The following UEVLD variants were observed in gnomAD, a reference collection of about 807,000 sequenced individuals.
UEVLD encodes ubiquitin-conjugating enzyme E2 variant 3.
UEVLD carries 47 observed loss-of-function variants against 58.6 expected under a neutral mutation model. The ratio of observed to expected loss-of-function variants is 0.80; its 90% CI spans 0.63 to 1.02. The LOEUF (loss-of-function observed/expected upper bound fraction) is 1.02, where lower values mean the gene tolerates loss of function less well. UEVLD is among the 50% of genes least tolerant of loss of function. The pLI is 0.00. For missense variants in UEVLD, 510 were observed against 550.6 expected (o/e 0.93, Z 0.74); for synonymous variants, 197 against 195.3 (o/e 1.01, Z -0.07).
At chr11:18,545,059 T>C (rs2133974511) in intron 8 of UEVLD, among the ~76,000 whole-genome samples, 1 of 26,330 alleles carries the variant, frequency 3.8e-5, no homozygotes, top group Non-Finnish European at 7.8e-5. Flanking sequence ...TATCTATATC[T>C]ATATCTATAT....
chr11:18,532,561 T>C (rs1850613148), intron 11 of UEVLD, 74 bp from the exon 12 acceptor site: 1 of 1,272,232 alleles, frequency 7.9e-7, no homozygotes, highest in Admixed American at 3.0e-5. Flanking sequence ...GCATACTTTC[T>C]TGCTTTCTTA....
intron 1 of UEVLD, among the ~76,000 whole-genome samples, chr11:18,580,345 T>C (rs1262985208): frequency 6.6e-6 from 1 of 152,032 alleles, no homozygotes; most frequent in Non-Finnish European, 1.5e-5. Context: ...ACTGAGCAAT[T>C]AATTCCACTT....
Position 18,544,815 on chromosome 11 carries a change from G to T in UEVLD, c.887-19C>A, listed in dbSNP as rs1322275611. ...ATTTCCACTAAATATTGCATACAAG[G>T]TAAAAAATGTAAAGGTTAAAAAATA... On this transcript the variant is annotated intron_variant, in intron 8 of 11. Coordinates refer to ENST00000396197, the MANE Select transcript of UEVLD (RefSeq NM_001040697.4). The T allele has an allele frequency of 1.3e-6, 2 of 1,491,862 alleles. No homozygotes were observed. The highest frequency in any genetic ancestry group is 1.8e-6 in the Non-Finnish European group (2 of 1,127,120). 92.4% of individuals were successfully genotyped at this position (1,491,862 alleles called of 1,614,324 possible). A position where few individuals can be genotyped will look rare whatever the true frequency, so the allele number is the denominator to read the frequency against.
rs139860260 is a variant in UEVLD at position 18,575,550 on chromosome 11, G to C, written c.128-138C>G. 6.6e-4 allele frequency: 523 copies of C among 791,538 alleles called. 5 individuals are homozygous for C. In the East Asian group the frequency reaches 0.014, roughly 21 times the overall value. 49.0% of individuals were successfully genotyped at this position (791,538 alleles called of 1,614,324 possible). A position where few individuals can be genotyped will look rare whatever the true frequency, so the allele number is the denominator to read the frequency against. On this transcript the variant is annotated intron_variant, in intron 2 of 11. Coordinates refer to ENST00000396197, the MANE Select transcript of UEVLD (RefSeq NM_001040697.4). ...CACACAATCTCTAAACATAATCTAGGAATCGGTAAATCTGTCAACAAGAGG... is the reference window on the plus strand; with the variant it reads ...CACACAATCTCTAAACATAATCTAGCAATCGGTAAATCTGTCAACAAGAGG...
At position 18,566,384 on chromosome 11, in the gene UEVLD, C is replaced by G. The variant is rs754279767; in HGVS notation, c.456G>C (p.Gln152His). The G allele has an allele frequency of 1.2e-6, 2 of 1,614,096 alleles. No homozygotes were observed. The highest frequency in any genetic ancestry group is 1.7e-5 in the Admixed American group (1 of 60,004). The change falls in exon 5 of 12, where the codon CAG (glutamine) becomes CAC (histidine). Residue 152 changes from glutamine (Q) to histidine (H), a missense_variant. Gln to His is a conservative substitution (Grantham distance 24). Coordinates refer to ENST00000396197, the MANE Select transcript of UEVLD (RefSeq NM_001040697.4). ...YSLSSSDEAR[Q>H]VDLLAYIAKI... ...TTGCAATATAGGCTAGCAAGTCTAC[C>G]TGCCGTGCCTCATCAGATGATGATA...
intron 9 of UEVLD, 92 bp from the exon 10 acceptor site, chr11:18,536,561 C>T: frequency 9.4e-7 from 1 of 1,063,676 alleles, no homozygotes; most frequent in Non-Finnish European, 1.4e-6. Flanking sequence ...GGTACCTGTG[C>T]TAATATTTAT....
In UEVLD at chr11:18,534,379, C is replaced by G. The variant is rs751548668; in HGVS notation, c.1199G>C (p.Ser400Thr). The change falls in exon 11 of 12, where the codon AGT (serine) becomes ACT (threonine). Residue 400 changes from serine (S) to threonine (T), a missense_variant. Physicochemically the swap from Ser to Thr is moderately conservative, Grantham distance 58. Transcript: ENST00000396197. Reference sequence around the variant, plus strand: ...CACTTTCTTCTTATTGTTTACAATACTGTCAACCATGTCAGCTACTGATAG... The same window carrying G: ...CACTTTCTTCTTATTGTTTACAATAGTGTCAACCATGTCAGCTACTGATAG... The part of the protein sequence containing the change: ...VGLSVADMVD[S>T]IVNNKKKVHS... The G allele has an allele frequency of 1.9e-6, 3 of 1,573,932 alleles. No individual in the cohort carries two copies. Among genetic ancestry groups the G allele is most frequent in the Non-Finnish European group, 2.6e-6 (3 of 1,166,848 alleles).
chr11:18,574,687 G>C (rs1852808973), intron 3 of UEVLD, among the ~76,000 whole-genome samples: 1 of 152,110 alleles, frequency 6.6e-6, no homozygotes, highest in African/African-American at 2.4e-5. Flanking sequence ...TAAACTGCTA[G>C]GTCACTCTAA....
chr11:18,581,556 C>T (rs1212820198), intron 1 of UEVLD, among the ~76,000 whole-genome samples: 1 of 152,000 alleles, frequency 6.6e-6, no homozygotes, highest in African/African-American at 2.4e-5. Context: ...TGCTGGCATG[C>T]ACCTGTAATC....
At chr11:18,586,962 G>A (rs190219787) in intron 1 of UEVLD, among the ~76,000 whole-genome samples, 114 of 152,268 alleles carry the variant, frequency 7.5e-4, no homozygotes, top group Non-Finnish European at 1.4e-3. Flanking sequence ...AACCCAGGAG[G>A]CGGAGATGGC....
At chr11:18,566,278 G>A (rs1852291455) in intron 5 of UEVLD, 69 bp downstream of exon 5, 1 of 1,583,358 alleles carries the variant, frequency 6.3e-7, no homozygotes, top group African/African-American at 1.4e-5. Context: ...GTGGCAGAAA[G>A]TAAAGGAGTT....
chr11:18,573,870 G>A (rs1173773592), intron 3 of UEVLD, among the ~76,000 whole-genome samples: 6 of 152,122 alleles, frequency 3.9e-5, no homozygotes, highest in African/African-American at 1.4e-4. Context: ...GTGTCTTTTG[G>A]GCAATGTATT....
chr11:18,584,422 T>G (rs1380607241), intron 1 of UEVLD, among the ~76,000 whole-genome samples: 3 of 151,922 alleles, frequency 2.0e-5, no homozygotes, highest in Non-Finnish European at 2.9e-5. Flanking sequence ...TGCAGAATAA[T>G]AAGTACTGGT....
In UEVLD at chr11:18,534,408, A is replaced by C; in HGVS notation, c.1170T>G (p.Val390=). Residue 390 remains valine (V), a synonymous_variant, in exon 11 of 12, where the codon GTT becomes GTG. Coordinates refer to ENST00000396197, the MANE Select transcript of UEVLD (RefSeq NM_001040697.4). ...CAACCATGTCAGCTACTGATAGTCC[A>C]ACAGACCAGGATCTTTGACCTTTTA... The part of the protein sequence containing the change: ...LRVKGQRSWS[V]GLSVADMVDS... The C allele has an allele frequency of 1.3e-6, 2 of 1,579,624 alleles. No homozygotes were observed. The highest frequency in any genetic ancestry group is 1.7e-6 in the Non-Finnish European group (2 of 1,169,580).
chr11:18,544,557 G>T, intron 9 of UEVLD, 66 bp downstream of exon 9: 2 of 1,520,522 alleles, frequency 1.3e-6, no homozygotes, highest in Non-Finnish European at 8.8e-7. Flanking sequence ...ATCCTGCCTT[G>T]GCCTCCCAAA....
At chr11:18,583,756 G>C (rs1048144461) in intron 1 of UEVLD, among the ~76,000 whole-genome samples, 52 of 148,304 alleles carry the variant, frequency 3.5e-4, no homozygotes, top group African/African-American at 1.3e-3. Context: ...GCACTGCCCA[G>C]GTTCAAGCGA....
At position 18,588,595 on chromosome 11, in the gene UEVLD, C is replaced by T; in HGVS notation, c.42+18G>A. 1 of 1,609,430 alleles carries T rather than the reference C, an allele frequency of 6.2e-7. No individual in the cohort carries two copies. Among genetic ancestry groups the T allele is most frequent in the Non-Finnish European group, 8.5e-7 (1 of 1,179,594 alleles). On this transcript the variant is annotated intron_variant, in intron 1 of 11. Coordinates refer to ENST00000396197, the MANE Select transcript of UEVLD (RefSeq NM_001040697.4). ...CAAGACCCTGAGGACCCAAACTGGC[C>T]CAGCGGACTGCCCGCACCTTGCCAA...
In UEVLD at chr11:18,575,509, T is replaced by C. The variant is rs942346550; in HGVS notation, c.128-97A>G. On this transcript the variant is annotated intron_variant, in intron 2 of 11. Transcript: ENST00000396197. Reference sequence around the variant, plus strand: ...GTGCACATGTGTGTGCTCATGAATATACACACACAAATACACACACAATCT... The same window carrying C: ...GTGCACATGTGTGTGCTCATGAATACACACACACAAATACACACACAATCT... 4.0e-5 allele frequency: 45 copies of C among 1,132,836 alleles called. No homozygotes were observed. In the Admixed American group the frequency reaches 1.0e-3, roughly 26 times the overall value. 70.2% of individuals were successfully genotyped at this position (1,132,836 alleles called of 1,614,324 possible). A position where few individuals can be genotyped will look rare whatever the true frequency, so the allele number is the denominator to read the frequency against.
At chr11:18,538,223 T>A (rs1386980396) in intron 9 of UEVLD, among the ~76,000 whole-genome samples, 3 of 152,052 alleles carry the variant, frequency 2.0e-5, no homozygotes, top group Admixed American at 6.6e-5. Context: ...AAACTGATTA[T>A]AAGCTCCCAG....
Sources: allele counts gnomAD v4.1 joint callset (sites outside exome capture counted in the v4.1 genomes callset), GRCh38; gene constraint gnomAD v4.1.1; transcripts MANE v1.5; gene names NCBI Gene and HGNC (gene_info 2026-07-23, HGNC 2026-07-21).